SLCO3A1: variants seen among roughly 807,000 people sequenced by gnomAD.
SLCO3A1 encodes PGE1 transporter.
Under a neutral mutation model 63.1 loss-of-function variants are expected in SLCO3A1, and 27 were observed. The observed-to-expected ratio is 0.43, with a 90% CI of 0.32 to 0.59. The LOEUF is 0.59. SLCO3A1 is among the 20% of genes least tolerant of loss of function. The pLI, the probability that SLCO3A1 is intolerant of heterozygous loss-of-function variation, is 0.09. For synonymous variants in SLCO3A1, 473 were observed against 409.9 expected (o/e 1.15, Z -1.86); for missense variants, 773 against 945.8 (o/e 0.82, Z 2.40).
chr15:91,923,753 T>C (rs916213808), intron 2 of SLCO3A1, among the ~76,000 whole-genome samples: 1 of 152,254 alleles, frequency 6.6e-6, no homozygotes, highest in East Asian at 1.9e-4. Flanking sequence ...ATTCCAGCCT[T>C]TTTTCTTTGT....
chr15:92,122,486 C>T (rs747308066), intron 5 of SLCO3A1, among the ~76,000 whole-genome samples: 3 of 152,198 alleles, frequency 2.0e-5, no homozygotes, highest in Non-Finnish European at 4.4e-5. Flanking sequence ...TAAACATCCA[C>T]CAGACTGATA....
rs2141839778 is a variant in SLCO3A1 at position 91,862,179 on chromosome 15, A to T, written c.180+8091A>T. On this transcript the variant is annotated intron_variant, in intron 1 of 9. Coordinates refer to ENST00000318445, the MANE Select transcript of SLCO3A1 (RefSeq NM_013272.4). This position sits in a 1 kb window ranked among gnomAD's most constrained non-coding sequence, Gnocchi z 4.0. ...TTATTTTTTATTTTTTTTTTGAGAC[A>T]GTCTCACACTGTTGCCCAGCCTGGA... Among the ~76,000 whole-genome samples, 1 of 151,200 alleles carries T rather than the reference A, an allele frequency of 6.6e-6. No homozygotes were observed. The highest frequency in any genetic ancestry group is 6.6e-5 in the Admixed American group (1 of 15,206).
At chr15:92,068,487 T>C (rs541411312) in intron 2 of SLCO3A1, among the ~76,000 whole-genome samples, 2 of 152,360 alleles carry the variant, frequency 1.3e-5, no homozygotes, top group African/African-American at 4.8e-5. Context: ...GAGCTTCCTC[T>C]GGCCACTTCA....
intron 2 of SLCO3A1, among the ~76,000 whole-genome samples, chr15:92,017,341 A>G (rs1382890494): frequency 6.6e-6 from 1 of 151,904 alleles, no homozygotes; most frequent in Non-Finnish European, 1.5e-5. Flanking sequence ...AGCAAAAGGA[A>G]GCAGGGATCC....
intron 4 of SLCO3A1, among the ~76,000 whole-genome samples, chr15:92,116,118 T>A (rs1335156112): frequency 1.3e-5 from 2 of 152,126 alleles, no homozygotes; most frequent in Non-Finnish European, 2.9e-5. Flanking sequence ...GCCTCAGCTT[T>A]TTCATCTGTA....
At chr15:91,992,288 T>C (rs1489803121) in intron 2 of SLCO3A1, among the ~76,000 whole-genome samples, 2 of 152,174 alleles carry the variant, frequency 1.3e-5, no homozygotes, top group Non-Finnish European at 2.9e-5. Flanking sequence ...CAATCAAGAC[T>C]TAGCAAATGC....
intron 2 of SLCO3A1, among the ~76,000 whole-genome samples, chr15:92,091,787 A>G (rs1319757640): frequency 6.6e-6 from 1 of 152,220 alleles, no homozygotes; most frequent in Middle Eastern, 3.4e-3. Flanking sequence ...CGTGTGCACA[A>G]TGTCTTTGGT....
intron 2 of SLCO3A1, among the ~76,000 whole-genome samples, chr15:91,994,354 T>C (rs938930443): frequency 1.3e-5 from 2 of 152,232 alleles, no homozygotes; most frequent in Non-Finnish European, 2.9e-5. Flanking sequence ...GTTTTACTTT[T>C]AATTTTTATG....
intron 3 of SLCO3A1, among the ~76,000 whole-genome samples, chr15:92,098,804 G>A (rs895451396): frequency 5.9e-5 from 9 of 152,110 alleles, no homozygotes; most frequent in South Asian, 2.1e-4. Flanking sequence ...TGGGGACATC[G>A]CACACACATC....
chr15:92,144,733 C>A (rs967353752), intron 7 of SLCO3A1, among the ~76,000 whole-genome samples: 2 of 152,178 alleles, frequency 1.3e-5, no homozygotes, highest in Non-Finnish European at 2.9e-5. Flanking sequence ...TGCAGGAAAG[C>A]GAATTCGGGG....
intron 2 of SLCO3A1, among the ~76,000 whole-genome samples, chr15:92,046,037 T>C (rs2151491410): frequency 6.6e-6 from 1 of 152,302 alleles, no homozygotes; most frequent in East Asian, 1.9e-4. Flanking sequence ...ATTACCATTT[T>C]CCAACTGGGT....
rs777195221 is a variant in SLCO3A1, at chr15:92,033,119, C to G, written c.647-61762C>G. Among the ~76,000 whole-genome samples the G allele has an allele frequency of 6.6e-6, 1 of 151,992 alleles. No homozygotes were observed. Among genetic ancestry groups the G allele is most frequent in the Non-Finnish European group, 1.5e-5 (1 of 68,002 alleles). On this transcript the variant is annotated intron_variant, in intron 2 of 9. Coordinates refer to ENST00000318445, the MANE Select transcript of SLCO3A1 (RefSeq NM_013272.4). The surrounding 1 kb of genome is among the most constrained non-coding windows in gnomAD (Gnocchi z 4.5). The stretch of plus-strand genomic sequence containing the variant: ...TATTTATATAGAATTTTAGAATTTA[C>G]CAAAGAATCTCACGTGTAAAAAAAA...
At chr15:92,170,362 T>C (rs1257257009), downstream of SLCO3A1, among the ~76,000 whole-genome samples, 2 of 152,218 alleles carry the variant, frequency 1.3e-5, no homozygotes, top group Non-Finnish European at 2.9e-5. Flanking sequence ...TGCCGGGTTC[T>C]GTGAATTCAT....
intron 2 of SLCO3A1, among the ~76,000 whole-genome samples, chr15:92,027,640 A>C (rs2046591882): frequency 6.6e-6 from 1 of 152,234 alleles, no homozygotes; most frequent in Non-Finnish European, 1.5e-5. Context: ...TGGTCTGGAA[A>C]GACCCCTGGT....
At chr15:91,962,447 C>A (rs1450434680) in intron 2 of SLCO3A1, among the ~76,000 whole-genome samples, 2 of 144,494 alleles carry the variant, frequency 1.4e-5, no homozygotes, top group Non-Finnish European at 1.5e-5. Flanking sequence ...CCATTGCACT[C>A]CAGCCTGGGC....
intron 4 of SLCO3A1, 139 bp from the exon 5 acceptor site, chr15:92,120,326 A>C: frequency 8.9e-6 from 7 of 790,182 alleles, no homozygotes; most frequent in Admixed American, 2.7e-5. Context: ...TTTTGGCCTT[A>C]GCAACTGGGT....
At chr15:92,079,930 A>G (rs1435860204) in intron 2 of SLCO3A1, among the ~76,000 whole-genome samples, 2 of 152,166 alleles carry the variant, frequency 1.3e-5, no homozygotes, top group Non-Finnish European at 2.9e-5. Flanking sequence ...TTCTGGGAGG[A>G]CCCCACTGGG....
intron 2 of SLCO3A1, among the ~76,000 whole-genome samples, chr15:92,064,582 C>G (rs1466617158): frequency 6.6e-6 from 1 of 152,190 alleles, no homozygotes; most frequent in African/African-American, 2.4e-5. Flanking sequence ...TCAAGTCTTA[C>G]ATTCAAACAC....
At chr15:91,878,414 G>T (rs537538365) in intron 1 of SLCO3A1, among the ~76,000 whole-genome samples, 183 of 152,260 alleles carry the variant, frequency 1.2e-3, no homozygotes, top group Non-Finnish European at 1.9e-3. Flanking sequence ...CAGGATTGCA[G>T]ATGTGTTCAC....
Sources: allele counts gnomAD v4.1 joint callset (sites outside exome capture counted in the v4.1 genomes callset), GRCh38; gene constraint gnomAD v4.1.1; non-coding constraint Gnocchi (gnomAD v3.1); transcripts MANE v1.5; gene names NCBI Gene and HGNC (gene_info 2026-07-23, HGNC 2026-07-21).